The following NBEAL2 variants were observed in gnomAD, a reference collection of about 807,000 sequenced individuals.
NBEAL2 encodes neurobeachin-like protein 2.
In NBEAL2, 160 loss-of-function variants were observed where a neutral mutation model predicts 299.8. That is an observed-to-expected ratio of 0.53 (90% CI 0.47 to 0.61). The LOEUF (loss-of-function observed/expected upper bound fraction) is 0.61, where lower values mean the gene tolerates loss of function less well. Among genes scored for constraint, NBEAL2 ranks in the 20% least tolerant of loss-of-function variants. NBEAL2 has a pLI of 0.00. For synonymous variants in NBEAL2, 1,493 were observed against 1,542.3 expected (o/e 0.97, Z 0.75); for missense variants, 3,112 against 3,649.0 (o/e 0.85, Z 3.79).
chr3:47,009,317 C>T lies in NBEAL2; in HGVS notation c.8262C>T (p.Arg2754=), dbSNP rs1286895683. Residue 2754 remains arginine (R), a synonymous_variant, in exon 54 of 54, where the codon CGC becomes CGT. Coordinates refer to ENST00000450053, the MANE Select transcript of NBEAL2 (RefSeq NM_015175.3). ...GETEYNPTEA[R] is the part of the protein sequence containing the mutation. Reference sequence around the variant, plus strand: ...CGGAATACAACCCTACTGAGGCGCGCTGAACCTGGCCAGTCCGGCTGCTCG... The same window carrying T: ...CGGAATACAACCCTACTGAGGCGCGTTGAACCTGGCCAGTCCGGCTGCTCG... 1 of 1,590,482 alleles carries T rather than the reference C, an allele frequency of 6.3e-7. No homozygotes were observed. Among genetic ancestry groups the T allele is most frequent in the Non-Finnish European group, 8.6e-7 (1 of 1,169,488 alleles).
In NBEAL2 at chr3:46,995,780, T is replaced by C; in HGVS notation, c.1965T>C (p.Ala655=). 6.2e-7 allele frequency: 1 copy of C among 1,613,806 alleles called. No individual in the cohort carries two copies. The highest frequency in any genetic ancestry group is 8.5e-7 in the Non-Finnish European group (1 of 1,179,876). The change falls in exon 14 of 54, where the codon GCT becomes GCC. Residue 655 remains alanine (A), a synonymous_variant. Coordinates refer to ENST00000450053, the MANE Select transcript of NBEAL2 (RefSeq NM_015175.3). ...FFTAAGTLVV[A]VCTRKEYLTM... is the part of the protein sequence containing the mutation. ...CGGCGGCCGGGACCCTGGTGGTGGC[T>C]GTGTGCACACGGAAGGAGTATTTGA...
At position 46,999,692 on chromosome 3, in the gene NBEAL2, G is replaced by A. The variant is rs541945649; in HGVS notation, c.3766G>A (p.Val1256Ile). 37 of 1,613,518 alleles carry A rather than the reference G, an allele frequency of 2.3e-5. No homozygotes were observed. In the East Asian group the frequency reaches 5.6e-4, roughly 24 times the overall value. ...GCTGTCCCTCCAGGCTGACCTCAGC[G>A]TTCGCCTAGACATCTGTCGCCAGGT... ...VQLSLQADLSVRLDICRQLFH... is the reference protein window; with the variant it reads ...VQLSLQADLSIRLDICRQLFH... The change falls in exon 26 of 54, where the codon GTT becomes ATT. Residue 1256 changes from valine to isoleucine, a missense_variant. Coordinates refer to ENST00000450053, the MANE Select transcript of NBEAL2 (RefSeq NM_015175.3).
At position 46,985,191 on chromosome 3, in the gene NBEAL2, C is replaced by T. The variant is rs574343072; in HGVS notation, c.52-3478C>T. Among the ~76,000 whole-genome samples the T allele has an allele frequency of 1.1e-4, 17 of 152,224 alleles. No homozygotes were observed. The East Asian group carries it at 3.1e-3, about 28-fold the overall frequency. ...CACGCCCTTGGGCCCAGGCATCCAG[C>T]GGGTTTGGGGTATGGAGGCTGCAGG... On this transcript the variant is annotated intron_variant, in intron 1 of 53. Coordinates refer to ENST00000450053, the MANE Select transcript of NBEAL2 (RefSeq NM_015175.3).
intron 10 of NBEAL2, 63 bp downstream of exon 10, chr3:46,992,618 C>T: frequency 2.1e-6 from 3 of 1,436,144 alleles, no homozygotes; most frequent in Admixed American, 2.0e-5. Flanking sequence ...GCTTTTCCTG[C>T]ACTATAGCTG....
rs912087368 is a variant in NBEAL2 at position 47,005,746 on chromosome 3, C to T, written c.6700C>T (p.Leu2234=). The T allele has an allele frequency of 1.2e-6, 2 of 1,613,184 alleles. No homozygotes were observed. Among genetic ancestry groups the T allele is most frequent in the Admixed American group, 1.7e-5 (1 of 60,004 alleles). The change falls in exon 42 of 54, where the codon CTG becomes TTG. Residue 2234 remains leucine, a synonymous_variant. Transcript: ENST00000450053. ...DFLENQNGFD[L]GCLQLTNEKV... ...CCAGTCCTCTGTGCCAGGTTTTGAC[C>T]TGGGCTGTCTCCAGCTGACCAACGA...
At position 47,002,003 on chromosome 3, in the gene NBEAL2, C is replaced by T. The variant is rs748171759; in HGVS notation, c.4866C>T (p.Leu1622=). 6.3e-7 allele frequency: 1 copy of T among 1,598,480 alleles called. No homozygotes were observed. Among genetic ancestry groups the T allele is most frequent in the Non-Finnish European group, 8.5e-7 (1 of 1,173,202 alleles). ...PARREEACYV[L]SKLEAALGRV... Reference sequence around the variant, plus strand: ...GCCGCGAGGAGGCCTGCTATGTGCTCTCCAAGCTGGAGGCTGCACTGGGGC... The same window carrying T: ...GCCGCGAGGAGGCCTGCTATGTGCTTTCCAAGCTGGAGGCTGCACTGGGGC... The change falls in exon 31 of 54, where the codon CTC becomes CTT. Residue 1622 remains leucine, a synonymous_variant. Transcript: ENST00000450053.
chr3:46,992,554 A>G lies in NBEAL2; in HGVS notation c.1112A>G (p.Lys371Arg). Residue 371 changes from lysine (K) to arginine (R), a missense_variant and splice_region_variant, in exon 10 of 54, where the codon AAG becomes AGG. Physicochemically the swap from Lys to Arg is conservative, Grantham distance 26. Around this residue, in one of 3 missense-constraint regions of NBEAL2, gnomAD observed 2,243 missense variants for 2,538.1 expected, o/e 0.88. Transcript: ENST00000450053. ...TRLLTEPDVQ[K>R]VLDQDTDAIA... The stretch of plus-strand genomic sequence containing the variant: ...TTACTGACTGAGCCCGATGTCCAAA[A>G]GGTACCATCCTGGGGCTGACCAGCT... The G allele has an allele frequency of 3.1e-6, 5 of 1,595,574 alleles. No homozygotes were observed. Among genetic ancestry groups the G allele is most frequent in the Non-Finnish European group, 3.4e-6 (4 of 1,171,538 alleles).
Position 47,008,612 on chromosome 3 carries a change from G to A in NBEAL2, c.7971G>A (p.Glu2657=), listed in dbSNP as rs756031769. Residue 2657 remains glutamate, a synonymous_variant, in exon 52 of 54, where the codon GAG becomes GAA. Transcript: ENST00000450053. ...AEQPTALTVT[E]DFVLLGTAQC... ...AGCCTACAGCCCTGACGGTGACAGA[G>A]GACTTTGTGTTGCTGGGCACCGCCC... is the stretch of plus-strand genomic sequence containing the variant. 1.5e-5 allele frequency: 25 copies of A among 1,613,510 alleles called. No homozygotes were observed. In the East Asian group the frequency reaches 5.3e-4, roughly 35 times the overall value.
chr3:46,987,991 C>A, intron 1 of NBEAL2: 1 of 1,276,966 alleles, frequency 7.8e-7, no homozygotes, highest in Non-Finnish European at 1.0e-6. Flanking sequence ...TTCCCGTTCA[C>A]ACCAAAGTTT....
chr3:46,991,670 C>G lies in NBEAL2; in HGVS notation c.907C>G (p.Leu303Val), dbSNP rs886058593. ...AGGCCCCGAAGAGGCCCTTGTCACC[C>G]TCCGGGTCAGCATGCTCGGTGGGTA... Reference protein sequence around the residue: ...SSGPEEALVTLRVSMLDAIPM... With the variant: ...SSGPEEALVTVRVSMLDAIPM... The change falls in exon 8 of 54, where the codon CTC becomes GTC. Residue 303 changes from leucine to valine, a missense_variant. Leu to Val is a conservative substitution (Grantham distance 32). This residue lies in a region of NBEAL2 where 2,243 missense variants were observed against 2,538.1 expected (regional missense o/e 0.88). Coordinates refer to ENST00000450053, the MANE Select transcript of NBEAL2 (RefSeq NM_015175.3). The surrounding 1 kb of genome is among the most constrained non-coding windows in gnomAD (Gnocchi z 6.2). 24 of 1,598,052 alleles carry G rather than the reference C, an allele frequency of 1.5e-5. No individual in the cohort carries two copies. Among genetic ancestry groups the G allele is most frequent in the Non-Finnish European group, 2.0e-5 (23 of 1,178,782 alleles).
intron 18 of NBEAL2, 97 bp downstream of exon 18, chr3:46,997,143 G>A: frequency 3.2e-6 from 5 of 1,556,172 alleles, no homozygotes; most frequent in African/African-American, 1.4e-5. Flanking sequence ...GCCTGGGGAG[G>A]ATTTGGACAG....
Position 47,007,549 on chromosome 3 carries a change from G to T in NBEAL2, c.7359G>T (p.Pro2453=), listed in dbSNP as rs376875516. The T allele has an allele frequency of 4.3e-6, 7 of 1,612,310 alleles. No individual in the cohort carries two copies. In the East Asian group the frequency reaches 1.3e-4, roughly 31 times the overall value. The part of the protein sequence containing the change: ...SHKTQRLLSG[P]WVPGSGVSGQ... ...GGACGCAGCGACTGCTGAGTGGCCC[G>T]TGGGTGCCAGGCAGTGGTGTGAGTG... Residue 2453 remains proline, a synonymous_variant, in exon 48 of 54, where the codon CCG becomes CCT. Transcript: ENST00000450053.
chr3:47,003,849 G>A lies in NBEAL2; in HGVS notation c.5754G>A (p.Glu1918=). The part of the protein sequence containing the change: ...MEAAELDEQR[E]KLVLSAECQL... ...CAGCAGAACTGGATGAGCAGCGTGAGAAGCTGGTGCTGTCGGCCGAGTGCC... is the reference window on the plus strand; with the variant it reads ...CAGCAGAACTGGATGAGCAGCGTGAAAAGCTGGTGCTGTCGGCCGAGTGCC... The change falls in exon 36 of 54, where the codon GAG becomes GAA. Residue 1918 remains glutamate, a synonymous_variant. Transcript: ENST00000450053. This position sits in a 1 kb window ranked among gnomAD's most constrained non-coding sequence, Gnocchi z 7.0. The A allele has an allele frequency of 1.2e-6, 2 of 1,612,320 alleles. No individual in the cohort carries two copies. Among genetic ancestry groups the A allele is most frequent in the Non-Finnish European group, 1.7e-6 (2 of 1,179,050 alleles).
chr3:47,006,408 A>G lies in NBEAL2; in HGVS notation c.7093A>G (p.Ile2365Val). The G allele has an allele frequency of 6.3e-7, 1 of 1,594,274 alleles. No individual in the cohort carries two copies. ...LARLDTNSPS[I>V]FQHLDELKAF... ...ACGCCTGGACACTAACTCACCTAGC[A>G]TCTTCCAGCACCTGGACGAACTCAA... Residue 2365 changes from isoleucine (I) to valine (V), a missense_variant, in exon 45 of 54, where the codon ATC becomes GTC. By Grantham distance (29) the Ile-to-Val change is conservative (BLOSUM62 3). Transcript: ENST00000450053.
chr3:46,980,118 A>G (rs1403695736), intron 1 of NBEAL2, among the ~76,000 whole-genome samples: 1 of 152,140 alleles, frequency 6.6e-6, no homozygotes, highest in Non-Finnish European at 1.5e-5. Context: ...CCTTGGGGAC[A>G]GAGCTCGCGG....
chr3:46,991,831 CTT>C lies in NBEAL2; in HGVS notation c.926-8_926-7del, dbSNP rs757110194. 3.1e-6 allele frequency: 5 copies of C among 1,587,604 alleles called. No homozygotes were observed. The highest frequency in any genetic ancestry group is 1.8e-5 in the Admixed American group (1 of 56,138). On this transcript the variant is annotated splice_region_variant and splice_polypyrimidine_tract_variant and intron_variant, in intron 8 of 53. Transcript: ENST00000450053. This position sits in a 1 kb window ranked among gnomAD's most constrained non-coding sequence, Gnocchi z 6.2. ...TCTGGGCAGGGCCTGACCCTTGACC[CTT>C]CCACAGACGCCATCCCCATGATGCT...
At position 47,001,663 on chromosome 3, in the gene NBEAL2, T is replaced by C; in HGVS notation, c.4645-26T>C. On this transcript the variant is annotated intron_variant, in intron 29 of 53. Coordinates refer to ENST00000450053, the MANE Select transcript of NBEAL2 (RefSeq NM_015175.3). This position sits in a 1 kb window ranked among gnomAD's most constrained non-coding sequence, Gnocchi z 6.1. Reference sequence around the variant, plus strand: ...ACTCCTGGCCTCCCCTGGTGATGTCTGTTGGGAACCTGTTTTCTGTGGCAG... The same window carrying C: ...ACTCCTGGCCTCCCCTGGTGATGTCCGTTGGGAACCTGTTTTCTGTGGCAG... 1 of 1,607,670 alleles carries C rather than the reference T, an allele frequency of 6.2e-7. No individual in the cohort carries two copies. The highest frequency in any genetic ancestry group is 8.5e-7 in the Non-Finnish European group (1 of 1,174,918).
At position 46,995,863 on chromosome 3, in the gene NBEAL2, C is replaced by G; in HGVS notation, c.2031+17C>G. On this transcript the variant is annotated intron_variant, in intron 14 of 53. Transcript: ENST00000450053. ...TCTGCCTGGGTGAGACCCCATCCTT[C>G]TCATGTGGCCCAGTAGAGAGAGGGG... The G allele has an allele frequency of 6.2e-7, 1 of 1,613,800 alleles. No homozygotes were observed.
intron 40 of NBEAL2, 36 bp from the exon 41 acceptor site, chr3:47,005,453 T>G: frequency 6.2e-7 from 1 of 1,602,634 alleles, no homozygotes; most frequent in Non-Finnish European, 8.5e-7. Context: ...GTCTCCATTC[T>G]CCCCACCTCA....
Sources: allele counts gnomAD v4.1 joint callset (sites outside exome capture counted in the v4.1 genomes callset), GRCh38; gene constraint gnomAD v4.1.1; regional missense constraint gnomAD v4.1.1; non-coding constraint Gnocchi (gnomAD v3.1); transcripts MANE v1.5; gene names NCBI Gene and HGNC (gene_info 2026-07-23, HGNC 2026-07-21).